The following LSS variants were observed in gnomAD, a reference collection of about 807,000 sequenced individuals.
LSS encodes the protein 2,3-epoxysqualene-lanosterol cyclase.
Under a neutral mutation model 110.3 loss-of-function variants are expected in LSS, and 90 were observed. That is an observed-to-expected ratio of 0.82 (90% CI 0.69 to 0.97). The LOEUF (loss-of-function observed/expected upper bound fraction) is 0.97. LSS is among the 50% of genes least tolerant of loss of function. The probability of loss-of-function intolerance (pLI) is 0.00; values close to 1 mark genes in which losing one functional copy is unlikely to be tolerated. For synonymous variants in LSS, 433 were observed against 400.0 expected, an observed-to-expected ratio of 1.08 and a Z score of -0.98; for missense variants, 927 against 990.0, an observed-to-expected ratio of 0.94 and a Z score of 0.85.
At chr21:46,219,156 G>A (rs1052804327) in intron 6 of LSS, among the ~76,000 whole-genome samples, 1 of 152,110 alleles carries the variant, frequency 6.6e-6, no homozygotes, top group African/African-American at 2.4e-5. Flanking sequence ...GTGCAGGCTG[G>A]GGGAGGGGCA....
chr21:46,193,737 T>G (rs2079864933), intron 20 of LSS: 2 of 453,404 alleles, frequency 4.4e-6, no homozygotes, highest in Admixed American at 4.7e-5. Context: ...TATGTATGTG[T>G]GTGCACAGAC....
chr21:46,225,346 G>A (rs550240376), intron 3 of LSS: 5 of 448,566 alleles, frequency 1.1e-5, no homozygotes, highest in Admixed American at 4.7e-5. Context: ...TAGCGGTAAC[G>A]CCAGCATCTG....
intron 17 of LSS, among the ~76,000 whole-genome samples, chr21:46,201,023 C>T (rs1325281889): frequency 6.9e-6 from 1 of 143,982 alleles, no homozygotes; most frequent in Non-Finnish European, 1.5e-5. Flanking sequence ...GAGGGTAGAG[C>T]CTGGATCATG....
chr21:46,217,239 G>A (rs2080218206), intron 6 of LSS, among the ~76,000 whole-genome samples: 1 of 108,476 alleles, frequency 9.2e-6, no homozygotes, highest in African/African-American at 3.7e-5. Flanking sequence ...GAGAGACTCT[G>A]TCTCAAAAAA....
intron 9 of LSS, 57 bp from the exon 10 acceptor site, chr21:46,213,892 G>T (rs143958308): frequency 1.6e-6 from 2 of 1,279,110 alleles, no homozygotes; most frequent in Non-Finnish European, 2.3e-6. Context: ...AGCCTCCAGG[G>T]ACAAGGTCTC....
intron 6 of LSS, among the ~76,000 whole-genome samples, chr21:46,217,162 G>A (rs1037973203): frequency 3.3e-5 from 5 of 149,672 alleles, no homozygotes; most frequent in African/African-American, 1.2e-4. Context: ...CAGGAGAATC[G>A]CTTGAACCTG....
chr21:46,194,671 C>T lies in LSS; in HGVS notation c.1818-10G>A, dbSNP rs1259891680. On this transcript the variant is annotated splice_polypyrimidine_tract_variant and intron_variant, in intron 19 of 21. Transcript: ENST00000397728. Reference sequence around the variant, plus strand: ...CTCTGCACAGGCAGTCCTGCAAAGACCAGAGACAGGAGACACCATCACACC... The same window carrying T: ...CTCTGCACAGGCAGTCCTGCAAAGATCAGAGACAGGAGACACCATCACACC... 1 of 1,609,270 alleles carries T rather than the reference C, an allele frequency of 6.2e-7. No individual in the cohort carries two copies. Among genetic ancestry groups the T allele is most frequent in the Non-Finnish European group, 8.5e-7 (1 of 1,179,130 alleles).
At chr21:46,204,692 T>C (rs1055047446) in intron 17 of LSS, among the ~76,000 whole-genome samples, 1 of 151,926 alleles carries the variant, frequency 6.6e-6, no homozygotes, top group South Asian at 2.1e-4. Flanking sequence ...CTCAAAGAAA[T>C]CTCCAGGCCC....
intron 17 of LSS, among the ~76,000 whole-genome samples, chr21:46,197,896 A>C (rs10854480): frequency 0.39 from 58,493 of 151,234 alleles, 11,471 homozygotes; most frequent in African/African-American, 0.45. Flanking sequence ...AAAAAAAAAA[A>C]CAAAAAACAA....
intron 6 of LSS, among the ~76,000 whole-genome samples, chr21:46,217,555 T>C (rs181612778): frequency 1.1e-3 from 163 of 152,274 alleles, no homozygotes; most frequent in Non-Finnish European, 1.4e-3. Flanking sequence ...TGTTTTTTTT[T>C]CTCACATTTT....
chr21:46,200,898 A>G (rs2079969534), intron 17 of LSS, among the ~76,000 whole-genome samples: 1 of 152,240 alleles, frequency 6.6e-6, no homozygotes, highest in South Asian at 2.1e-4. Context: ...AAAAGAATAC[A>G]CCTGCTAAGA....
intron 20 of LSS, chr21:46,192,442 A>G (rs1356209069): frequency 4.5e-6 from 2 of 448,972 alleles, no homozygotes; most frequent in East Asian, 1.4e-4. Context: ...CCTAGCTTTT[A>G]GGGTTTTAGG....
At chr21:46,192,093 C>A (rs919941041) in intron 20 of LSS, 134 bp from the exon 21 acceptor site, 3 of 705,886 alleles carry the variant, frequency 4.2e-6, no homozygotes, top group African/African-American at 3.5e-5. Context: ...CTGACGCCCA[C>A]AGGCCCCGCC....
Position 46,228,467 on chromosome 21 carries a change from G to C in LSS, c.147C>G (p.Thr49=), listed in dbSNP as rs375560613. 1 of 1,603,710 alleles carries C rather than the reference G, an allele frequency of 6.2e-7. No homozygotes were observed. The highest frequency in any genetic ancestry group is 8.5e-7 in the Non-Finnish European group (1 of 1,179,602). ...LQDERAGREQ[T]GLEAYALGLD... ...GCCCCAGGGCGTAGGCTTCCAGGCC[G>C]GTCTGCTCGCGGCCGGCGCGCTCGT... Residue 49 remains threonine, a synonymous_variant, in exon 2 of 22, where the codon ACC becomes ACG. Transcript: ENST00000397728.
rs2079875311 is a variant in LSS at position 46,194,293 on chromosome 21, T to G, written c.1988+198A>C. Among the ~76,000 whole-genome samples the G allele has an allele frequency of 2.6e-5, 4 of 152,218 alleles. No individual in the cohort carries two copies. The South Asian group carries it at 8.3e-4, about 31-fold the overall frequency. ...GGCGAGCCTCTCTGCAGGGCCCCAC[T>G]TGGTCAGAGCAGCCCACGTTCTTGC... On this transcript the variant is annotated intron_variant, in intron 20 of 21. Transcript: ENST00000397728.
chr21:46,227,484 G>A, intron 3 of LSS, 68 bp downstream of exon 3: 2 of 1,579,336 alleles, frequency 1.3e-6, no homozygotes, highest in Admixed American at 1.8e-5. Context: ...CCCTAGACCA[G>A]GCTGGGCCAG....
chr21:46,219,627 A>C (rs2080249474), intron 5 of LSS, 55 bp from the exon 6 acceptor site: 2 of 1,162,032 alleles, frequency 1.7e-6, no homozygotes, highest in Non-Finnish European at 2.5e-6. Context: ...CAAAGTCTGC[A>C]CTGCCTCTAG....
intron 17 of LSS, among the ~76,000 whole-genome samples, chr21:46,202,016 G>A (rs1173934024): frequency 6.7e-6 from 1 of 149,832 alleles, no homozygotes; most frequent in Non-Finnish European, 1.5e-5. Flanking sequence ...GGATGGTCTC[G>A]ATCTCCTGAC....
chr21:46,195,192 C>T (rs1177244781), intron 19 of LSS, among the ~76,000 whole-genome samples: 4 of 152,210 alleles, frequency 2.6e-5, no homozygotes, highest in Non-Finnish European at 4.4e-5. Flanking sequence ...AGACCAGAAG[C>T]GTCCCTCCAG....
Sources: gnomAD v4.1 joint callset for allele counts (sites outside exome capture counted in the v4.1 genomes callset) on GRCh38, gnomAD v4.1.1 for gene constraint, MANE v1.5 for transcripts, NCBI Gene and HGNC (gene_info 2026-07-23, HGNC 2026-07-21) for gene names.